CLOCK: variants seen among roughly 807,000 people sequenced by gnomAD.
CLOCK encodes circadian locomoter output cycles protein kaput.
In CLOCK, 43 loss-of-function variants were observed where a neutral mutation model predicts 118.4. The ratio of observed to expected loss-of-function variants is 0.36; its 90% CI spans 0.28 to 0.47. The LOEUF is 0.47. Among genes scored for constraint, CLOCK ranks in the 20% least tolerant of loss-of-function variants. The pLI is 1.00. For missense variants in CLOCK, 846 were observed against 999.9 expected (o/e 0.85, Z 2.08); for synonymous variants, 326 against 339.2 (o/e 0.96, Z 0.43).
chr4:55,533,576 T>C (rs1377794909), intron 1 of CLOCK, among the ~76,000 whole-genome samples: 4 of 152,198 alleles, frequency 2.6e-5, no homozygotes, highest in Non-Finnish European at 4.4e-5. Context: ...TATCACTGAC[T>C]AAAGATTTTT....
At position 55,545,074 on chromosome 4, in the gene CLOCK, T is replaced by TA. The variant is rs1731522783; in HGVS notation, c.-290+1707dup. ...TAACTTTTTTTTTTTTTACTTTTTTTATTATTATACTTTAAGTTCTAGGGT... is the reference window on the plus strand; with the variant it reads ...TAACTTTTTTTTTTTTTACTTTTTTTAATTATTATACTTTAAGTTCTAGGGT... On this transcript the variant is annotated intron_variant, in intron 1 of 22. Coordinates refer to ENST00000513440, the MANE Select transcript of CLOCK (RefSeq NM_004898.4). 5.8e-5 allele frequency among the ~76,000 whole-genome samples: 8 copies of TA among 137,696 alleles called. No homozygotes were observed. The South Asian group carries it at 1.9e-3, about 33-fold the overall frequency. The allele number at this position is 137,696 out of a possible 152,430, so 90.3% of individuals were successfully genotyped here. A position where few individuals can be genotyped will look rare whatever the true frequency, so the allele number is the denominator to read the frequency against.
At chr4:55,479,797 T>C (rs1235520998) in intron 4 of CLOCK, 98 bp from the exon 5 acceptor site, 2 of 952,952 alleles carry the variant, frequency 2.1e-6, no homozygotes, top group African/African-American at 3.2e-5. Context: ...CTATGATTTT[T>C]GTAAAGTTAA....
intron 18 of CLOCK, among the ~76,000 whole-genome samples, chr4:55,445,582 C>CTTTGTTTTTTTTTT (rs1723748277): frequency 1.5e-5 from 1 of 68,574 alleles, no homozygotes; most frequent in Non-Finnish European, 2.7e-5. Context: ...TTTCTATATT[C>CTTTGTTTTTTTTTT]TTTTTTTTTT....
intron 19 of CLOCK, 132 bp downstream of exon 19, chr4:55,444,501 C>T (rs900009985): frequency 3.9e-6 from 4 of 1,037,476 alleles, no homozygotes; most frequent in East Asian, 2.4e-5. Flanking sequence ...AGTAGGTAAC[C>T]AGTGAATATT....
At chr4:55,464,292 T>G (rs372471059) in intron 8 of CLOCK, among the ~76,000 whole-genome samples, 54 of 152,204 alleles carry the variant, frequency 3.5e-4, no homozygotes, top group African/African-American at 1.3e-3. Context: ...ACAAAAGCCT[T>G]GTGTTTAGTT....
intron 6 of CLOCK, among the ~76,000 whole-genome samples, chr4:55,477,412 T>C (rs1227990671): frequency 6.6e-6 from 1 of 151,976 alleles, no homozygotes; most frequent in African/African-American, 2.4e-5. Flanking sequence ...TGGCAATAAA[T>C]ATTGACACAT....
intron 2 of CLOCK, among the ~76,000 whole-genome samples, chr4:55,491,592 T>G (rs867291138): frequency 6.6e-6 from 1 of 152,114 alleles, no homozygotes; most frequent in South Asian, 2.1e-4. Context: ...GATAAATTCC[T>G]AGAAATATGC....
At chr4:55,472,727 C>T (rs1726231061) in intron 7 of CLOCK, among the ~76,000 whole-genome samples, 1 of 151,604 alleles carries the variant, frequency 6.6e-6, no homozygotes, top group Admixed American at 6.6e-5. Context: ...TGGTCCCCTC[C>T]CCCTTGTCCC....
chr4:55,527,769 G>T (rs757076820), intron 1 of CLOCK, among the ~76,000 whole-genome samples: 2 of 152,092 alleles, frequency 1.3e-5, no homozygotes, highest in Non-Finnish European at 2.9e-5. Context: ...TCAGCTGGGT[G>T]TGGTGGCTCA....
chr4:55,524,808 C>T (rs1730066677), intron 1 of CLOCK, among the ~76,000 whole-genome samples: 1 of 151,992 alleles, frequency 6.6e-6, no homozygotes, highest in South Asian at 2.1e-4. Context: ...CCATAATGAG[C>T]AGAAATGAAA....
At chr4:55,524,339 C>A (rs1730032624) in intron 1 of CLOCK, among the ~76,000 whole-genome samples, 1 of 151,748 alleles carries the variant, frequency 6.6e-6, no homozygotes, top group Non-Finnish European at 1.5e-5. Context: ...GCTGAGATTG[C>A]AGTGAGCGGA....
Position 55,430,322 on chromosome 4 carries a change from T to C in CLOCK, c.*5093A>G, listed in dbSNP as rs1352924339. The C allele has an allele frequency of 1.3e-5, 2 of 152,056 alleles. No homozygotes were observed. Among genetic ancestry groups the C allele is most frequent in the Non-Finnish European group, 1.5e-5 (1 of 68,018 alleles). The allele number at this position is 152,056 out of a possible 1,614,324, so 9.4% of individuals were successfully genotyped here. ...CCAGGCAGCTTACAAAATACTGTTA[T>C]AAACACTCACAACAAAACCTGCAGA... On this transcript the variant is annotated 3_prime_UTR_variant, in exon 23 of 23. Transcript: ENST00000513440.
At chr4:55,482,240 C>T (rs1726984186) in intron 4 of CLOCK, among the ~76,000 whole-genome samples, 1 of 152,094 alleles carries the variant, frequency 6.6e-6, no homozygotes, top group South Asian at 2.1e-4. Context: ...ACCCTCACTG[C>T]CCCCTTCCAC....
rs3842583 is a variant in CLOCK at position 55,510,629 on chromosome 4, TAAAAAAAAAAAAA to T, written c.-289-577_-289-565del. Among the ~76,000 whole-genome samples, 485 of 104,304 alleles carry T rather than the reference TAAAAAAAAAAAAA, an allele frequency of 4.6e-3. 1 individual carries two copies. The highest frequency in any genetic ancestry group is 0.011 in the Middle Eastern group (2 of 180). The allele number at this position is 104,304 out of a possible 152,430, so 68.4% of individuals were successfully genotyped here. A position where few individuals can be genotyped will look rare whatever the true frequency, so the allele number is the denominator to read the frequency against. On this transcript the variant is annotated intron_variant, in intron 1 of 22. Coordinates refer to ENST00000513440, the MANE Select transcript of CLOCK (RefSeq NM_004898.4). Reference sequence around the variant, plus strand: ...GCGACAGAACAAGACTCTGTCTTTTTAAAAAAAAAAAAAAAAAAAAAAAAGGTTTCCCTAAAGG... The same window carrying T: ...GCGACAGAACAAGACTCTGTCTTTTTAAAAAAAAAAAGGTTTCCCTAAAGG...
At chr4:55,457,299 A>AG (rs1170526990) in intron 11 of CLOCK, among the ~76,000 whole-genome samples, 2 of 152,226 alleles carry the variant, frequency 1.3e-5, no homozygotes, top group Non-Finnish European at 2.9e-5. Context: ...TGATAGTTAA[A>AG]AAAACATACT....
intron 1 of CLOCK, chr4:55,540,352 G>A (rs1170998903): frequency 7.0e-6 from 1 of 142,580 alleles, no homozygotes; most frequent in African/African-American, 2.6e-5. Flanking sequence ...CATTAGGGAT[G>A]TGCTATTTTT....
intron 18 of CLOCK, among the ~76,000 whole-genome samples, chr4:55,446,803 T>A (rs922038835): frequency 1.3e-5 from 2 of 152,170 alleles, no homozygotes; most frequent in African/African-American, 4.8e-5. Context: ...TTTCACTTTA[T>A]TGGAAGGAAA....
chr4:55,510,887 A>G (rs1729104887), intron 1 of CLOCK, among the ~76,000 whole-genome samples: 1 of 152,220 alleles, frequency 6.6e-6, no homozygotes, highest in Middle Eastern at 3.2e-3. Flanking sequence ...GGGCAAAGAA[A>G]GAAAGCAAAA....
intron 1 of CLOCK, among the ~76,000 whole-genome samples, chr4:55,510,430 C>T (rs1729064063): frequency 6.6e-6 from 1 of 152,038 alleles, no homozygotes; most frequent in South Asian, 2.1e-4. Flanking sequence ...AGTTCAAGAT[C>T]AGCCTGGCCA....
Sources: allele counts gnomAD v4.1 joint callset (sites outside exome capture counted in the v4.1 genomes callset), GRCh38; gene constraint gnomAD v4.1.1; transcripts MANE v1.5; gene names NCBI Gene and HGNC (gene_info 2026-07-23, HGNC 2026-07-21).